Variants in RXFP2 observed in about 807,000 individuals in gnomAD.
The protein encoded by RXFP2 is relaxin family peptide receptor 2, also known as relaxin receptor 2.
A neutral mutation model predicts 88.6 loss-of-function variants in RXFP2; 68 were observed. That is an observed-to-expected ratio of 0.77 (90% CI 0.63 to 0.94). The LOEUF (loss-of-function observed/expected upper bound fraction) is 0.94, where lower values mean the gene tolerates loss of function less well. RXFP2 is among the 40% of genes least tolerant of loss of function. The probability of loss-of-function intolerance (pLI) is 0.00; values close to 1 mark genes in which losing one functional copy is unlikely to be tolerated. For missense variants in RXFP2, 791 were observed against 893.9 expected (o/e 0.88, Z 1.47); for synonymous variants, 329 against 306.8 (o/e 1.07, Z -0.76).
intron 1 of RXFP2, among the ~76,000 whole-genome samples, chr13:31,753,922 G>T (rs1258648960): frequency 6.8e-6 from 1 of 148,034 alleles, no homozygotes; most frequent in African/African-American, 2.5e-5. Context: ...GAGAGAAAAG[G>T]GTGGGGAATA....
At chr13:31,741,189 A>C (rs1247471539) in intron 1 of RXFP2, among the ~76,000 whole-genome samples, 2 of 152,092 alleles carry the variant, frequency 1.3e-5, no homozygotes, top group Non-Finnish European at 2.9e-5. Flanking sequence ...ACTAAAAAAA[A>C]GTTCAATTAA....
chr13:31,801,532 A>T (rs1191015064), intron 17 of RXFP2, among the ~76,000 whole-genome samples: 2 of 152,058 alleles, frequency 1.3e-5, no homozygotes, highest in Non-Finnish European at 2.9e-5. Context: ...CAGGAAGGAC[A>T]CTATCATTCC....
At chr13:31,787,268 T>C (rs1873586610) in intron 13 of RXFP2, among the ~76,000 whole-genome samples, 1 of 152,222 alleles carries the variant, frequency 6.6e-6, no homozygotes, top group Non-Finnish European at 1.5e-5. Context: ...GCCTAAAGCA[T>C]TTCCTCCTTT....
intron 11 of RXFP2, among the ~76,000 whole-genome samples, chr13:31,783,792 G>A (rs1873393808): frequency 9.8e-6 from 1 of 101,782 alleles, no homozygotes; most frequent in African/African-American, 3.8e-5. Context: ...CAAACAGAGG[G>A]GTTTTTTGTT....
intron 2 of RXFP2, among the ~76,000 whole-genome samples, chr13:31,760,501 G>T (rs1872257492): frequency 6.6e-6 from 1 of 152,208 alleles, no homozygotes. Flanking sequence ...TCAGTGCTCA[G>T]TTTTGGGGGC....
chr13:31,778,203 A>C (rs1468856160), intron 8 of RXFP2, among the ~76,000 whole-genome samples: 1 of 152,216 alleles, frequency 6.6e-6, no homozygotes, highest in Non-Finnish European at 1.5e-5. Flanking sequence ...GAAGTTTACA[A>C]GGAAAATTAC....
At chr13:31,764,223 C>T (rs958714237) in intron 3 of RXFP2, among the ~76,000 whole-genome samples, 8 of 147,838 alleles carry the variant, frequency 5.4e-5, no homozygotes, top group African/African-American at 2.0e-4. Flanking sequence ...CTCCTCTGCC[C>T]TCGTCTGTCT....
chr13:31,799,219 CAA>C (rs66998436), intron 17 of RXFP2, among the ~76,000 whole-genome samples: 62 of 143,210 alleles, frequency 4.3e-4, no homozygotes, highest in Non-Finnish European at 5.7e-4. Flanking sequence ...ACACTTTCTT[CAA>C]AAAAAAAAAA....
chr13:31,742,647 A>G (rs1345971394), intron 1 of RXFP2, among the ~76,000 whole-genome samples: 1 of 152,214 alleles, frequency 6.6e-6, no homozygotes, highest in African/African-American at 2.4e-5. Flanking sequence ...ACCAGATGTA[A>G]TCAAAGAGTT....
In RXFP2 at chr13:31,758,170, T is replaced by C. The variant is rs766578092; in HGVS notation, c.95-88T>C. 47 of 1,320,666 alleles carry C rather than the reference T, an allele frequency of 3.6e-5. No homozygotes were observed. The Admixed American group carries it at 6.2e-4, about 17-fold the overall frequency. The allele number at this position is 1,320,666 out of a possible 1,614,324, so 81.8% of individuals were successfully genotyped here. On this transcript the variant is annotated intron_variant, in intron 1 of 17. Coordinates refer to ENST00000298386, the MANE Select transcript of RXFP2 (RefSeq NM_130806.5). ...AAGAATAATACCAGATGAACTCAAC[T>C]CATATAGCTCTTGTGAAAATTAAAT...
Position 31,797,245 on chromosome 13 carries a change from A to G in RXFP2, c.1831A>G (p.Thr611Ala). ...AFLIIVFSYITMFCSIQKTAL... is the reference protein window; with the variant it reads ...AFLIIVFSYIAMFCSIQKTAL... ...TCTCATCATTGTGTTTTCCTATATTACTATGTTCTGTTCCATTCAAAAAAC... is the reference window on the plus strand; with the variant it reads ...TCTCATCATTGTGTTTTCCTATATTGCTATGTTCTGTTCCATTCAAAAAAC... The change falls in exon 17 of 18, where the codon ACT becomes GCT. Residue 611 changes from threonine (T) to alanine (A), a missense_variant. Transcript: ENST00000298386. The G allele has an allele frequency of 6.2e-7, 1 of 1,613,890 alleles. No individual in the cohort carries two copies. Among genetic ancestry groups the G allele is most frequent in the Non-Finnish European group, 8.5e-7 (1 of 1,179,826 alleles).
At position 31,777,481 on chromosome 13, in the gene RXFP2, G is replaced by A. The variant is rs371499511; in HGVS notation, c.713+34G>A. 1.2e-4 allele frequency: 170 copies of A among 1,435,618 alleles called. 1 individual carries two copies. In the South Asian group the frequency reaches 1.5e-3, roughly 12 times the overall value. The allele number at this position is 1,435,618 out of a possible 1,614,324, so 88.9% of individuals were successfully genotyped here. ...TCATCAACCTTTCAATACATCTATC[G>A]ATACATTGCAATGACATCTAGCACT... On this transcript the variant is annotated intron_variant, in intron 8 of 17. Transcript: ENST00000298386.
At chr13:31,770,215 A>G (rs910459844) in intron 5 of RXFP2, among the ~76,000 whole-genome samples, 1 of 152,192 alleles carries the variant, frequency 6.6e-6, no homozygotes, top group Non-Finnish European at 1.5e-5. Flanking sequence ...CATCATATTC[A>G]CCTGTTCTAT....
intron 14 of RXFP2, among the ~76,000 whole-genome samples, chr13:31,790,473 G>A (rs1490307397): frequency 1.3e-5 from 2 of 152,176 alleles, no homozygotes; most frequent in African/African-American, 4.8e-5. Flanking sequence ...GGCAAGAATT[G>A]CCTCCTGTTT....
intron 1 of RXFP2, among the ~76,000 whole-genome samples, chr13:31,757,286 G>T (rs1379311927): frequency 1.3e-5 from 2 of 152,104 alleles, no homozygotes; most frequent in Non-Finnish European, 2.9e-5. Context: ...TCAGAGGGAG[G>T]ATTCAAAGCC....
intron 1 of RXFP2, among the ~76,000 whole-genome samples, chr13:31,742,341 G>T (rs901516773): frequency 2.0e-5 from 3 of 152,132 alleles, no homozygotes; most frequent in Non-Finnish European, 4.4e-5. Flanking sequence ...CCTTTCTTAC[G>T]GATGTCAGTT....
chr13:31,745,728 G>GT (rs368256265), intron 1 of RXFP2, among the ~76,000 whole-genome samples: 1 of 152,170 alleles, frequency 6.6e-6, no homozygotes, highest in Non-Finnish European at 1.5e-5. Flanking sequence ...CATAGTATCA[G>GT]TTTTTTCTGT....
rs189794535 is a variant in RXFP2, at chr13:31,789,225, A to C, written c.1145+32A>C. 64 of 1,343,670 alleles carry C rather than the reference A, an allele frequency of 4.8e-5. No individual in the cohort carries two copies. In the African/African-American group the frequency reaches 4.9e-4, roughly 10 times the overall value. 83.2% of individuals were successfully genotyped at this position (1,343,670 alleles called of 1,614,324 possible). ...ATGTATAAAAAATGGAGGAGGAAGC[A>C]TGGTAAAATGCTTCAAATTATCTCC... On this transcript the variant is annotated intron_variant, in intron 14 of 17. Transcript: ENST00000298386.
At chr13:31,779,777 C>T (rs1156753720) in intron 9 of RXFP2, among the ~76,000 whole-genome samples, 2 of 152,310 alleles carry the variant, frequency 1.3e-5, no homozygotes, top group South Asian at 2.1e-4. Context: ...TTTTGATCCC[C>T]TCTAAACTAA....
Sources: gnomAD v4.1 joint callset for allele counts (sites outside exome capture counted in the v4.1 genomes callset) on GRCh38, gnomAD v4.1.1 for gene constraint, MANE v1.5 for transcripts, NCBI Gene and HGNC (gene_info 2026-07-23, HGNC 2026-07-21) for gene names.